BICRAL: variants seen among roughly 807,000 people sequenced by gnomAD.
BICRAL encodes the protein BRD4-interacting chromatin-remodeling complex-associated protein-like.
Under a neutral mutation model 91.8 loss-of-function variants are expected in BICRAL, and 8 were observed. That is an observed-to-expected ratio of 0.09 (90% CI 0.05 to 0.16). BICRAL has a LOEUF of 0.16. BICRAL is among the 10% of genes least tolerant of loss of function. BICRAL has a pLI of 1.00. For missense variants in BICRAL, 1,038 were observed against 1,310.9 expected, an observed-to-expected ratio of 0.79 and a Z score of 3.21; for synonymous variants, 445 against 491.1, an observed-to-expected ratio of 0.91 and a Z score of 1.24.
At chr6:42,812,273 A>G (rs1420789580) in intron 2 of BICRAL, among the ~76,000 whole-genome samples, 2 of 152,186 alleles carry the variant, frequency 1.3e-5, no homozygotes, top group Non-Finnish European at 2.9e-5. Flanking sequence ...AGCCTGGGCA[A>G]CATGGTGAAA....
At chr6:42,799,977 T>A (rs540477374) in intron 1 of BICRAL, among the ~76,000 whole-genome samples, 23 of 152,274 alleles carry the variant, frequency 1.5e-4, no homozygotes, top group African/African-American at 4.8e-4. Flanking sequence ...GCCCCCAGGT[T>A]CGAGCAATTC....
At chr6:42,808,552 T>A (rs889244815) in intron 1 of BICRAL, among the ~76,000 whole-genome samples, 1 of 152,220 alleles carries the variant, frequency 6.6e-6, no homozygotes, top group Admixed American at 6.5e-5. Context: ...TTGTTGATGA[T>A]CATTCCTTTA....
At chr6:42,854,448 T>A (rs1489397734) in intron 8 of BICRAL, among the ~76,000 whole-genome samples, 1 of 152,122 alleles carries the variant, frequency 6.6e-6, no homozygotes, top group Non-Finnish European at 1.5e-5. Flanking sequence ...CCTCCCAAAG[T>A]ACCTGGATTA....
chr6:42,811,206 G>A (rs1934941569), intron 2 of BICRAL, among the ~76,000 whole-genome samples: 1 of 152,178 alleles, frequency 6.6e-6, no homozygotes, highest in African/African-American at 2.4e-5. Flanking sequence ...CAAATGAGAT[G>A]AGCCCTGTAA....
At chr6:42,788,573 G>T (rs1368718636) in intron 1 of BICRAL, among the ~76,000 whole-genome samples, 1 of 152,176 alleles carries the variant, frequency 6.6e-6, no homozygotes. Context: ...CTTGCCTTTA[G>T]TGGGAGCAAG....
chr6:42,847,751 T>C (rs1431314704), intron 6 of BICRAL, among the ~76,000 whole-genome samples: 2 of 151,292 alleles, frequency 1.3e-5, no homozygotes, highest in African/African-American at 4.9e-5. Context: ...GGTGAAACCC[T>C]GTCTCTACTA....
rs529377887 is a variant in BICRAL at position 42,866,991 on chromosome 6, C to T, written c.*1545C>T. 4.9e-6 allele frequency: 2 copies of T among 406,970 alleles called. No homozygotes were observed. Among genetic ancestry groups the T allele is most frequent in the South Asian group, 1.8e-5 (1 of 56,162 alleles). The allele number at this position is 406,970 out of a possible 1,614,324, so 25.2% of individuals were successfully genotyped here. A position where few individuals can be genotyped will look rare whatever the true frequency, so the allele number is the denominator to read the frequency against. The stretch of plus-strand genomic sequence containing the variant: ...TCATTTTTGTTACAGTGTGTGCACA[C>T]TCACTCTCCTTCTTAGTGTGCATAC... On this transcript the variant is annotated 3_prime_UTR_variant, in exon 13 of 13. Transcript: ENST00000314073.
chr6:42,792,298 T>A (rs1763297157), intron 1 of BICRAL, among the ~76,000 whole-genome samples: 1 of 152,124 alleles, frequency 6.6e-6, no homozygotes, highest in East Asian at 1.9e-4. Flanking sequence ...TCTGAGACAG[T>A]ATCTTGGTCA....
intron 2 of BICRAL, among the ~76,000 whole-genome samples, chr6:42,816,750 C>A (rs192523525): frequency 1.2e-4 from 18 of 152,026 alleles, no homozygotes; most frequent in African/African-American, 4.3e-4. Flanking sequence ...CGTGGTGGCT[C>A]ACGCCTGTAA....
chr6:42,857,606 A>ATATATATAT (rs1562497905), intron 10 of BICRAL, among the ~76,000 whole-genome samples: 55 of 99,414 alleles, frequency 5.5e-4, no homozygotes, highest in African/African-American at 3.6e-3. Context: ...CTCTTAAAAA[A>ATATATATAT]AAAAAAAAAT....
intron 6 of BICRAL, among the ~76,000 whole-genome samples, chr6:42,847,818 G>A (rs1365098435): frequency 6.6e-6 from 1 of 150,758 alleles, no homozygotes; most frequent in East Asian, 2.0e-4. Flanking sequence ...AGCTACTTGG[G>A]AGGCTGCGGC....
chr6:42,828,005 G>T (rs905705578), intron 5 of BICRAL, among the ~76,000 whole-genome samples: 2 of 152,176 alleles, frequency 1.3e-5, no homozygotes, highest in African/African-American at 2.4e-5. Flanking sequence ...CAGCATGATG[G>T]ATGCATATAC....
At chr6:42,769,676 C>T (rs1453769764) in intron 1 of BICRAL, among the ~76,000 whole-genome samples, 1 of 152,168 alleles carries the variant, frequency 6.6e-6, no homozygotes, top group Non-Finnish European at 1.5e-5. Flanking sequence ...GAGCCCTCAC[C>T]TCTGCCCACC....
At chr6:42,821,580 G>T (rs1029402577) in intron 2 of BICRAL, among the ~76,000 whole-genome samples, 56 of 152,152 alleles carry the variant, frequency 3.7e-4, no homozygotes, top group Admixed American at 1.9e-3. Flanking sequence ...GGCAAAAAAT[G>T]TAGGTTGCTC....
intron 6 of BICRAL, among the ~76,000 whole-genome samples, chr6:42,846,328 A>G (rs1331299605): frequency 6.6e-6 from 1 of 152,062 alleles, no homozygotes; most frequent in East Asian, 1.9e-4. Context: ...AGATCGCGCC[A>G]TTGCACTCCA....
intron 5 of BICRAL, among the ~76,000 whole-genome samples, chr6:42,824,155 A>G (rs929310483): frequency 2.0e-5 from 3 of 151,588 alleles, no homozygotes; most frequent in Non-Finnish European, 2.9e-5. Context: ...CGCTTGAACC[A>G]GGGAGTTGGA....
chr6:42,818,975 C>T (rs1764066966), intron 2 of BICRAL, among the ~76,000 whole-genome samples: 2 of 152,230 alleles, frequency 1.3e-5, no homozygotes, highest in South Asian at 4.1e-4. Context: ...TGCCTACAGC[C>T]CCCTTCCCTC....
At chr6:42,764,509 A>G (rs879719233) in intron 1 of BICRAL, among the ~76,000 whole-genome samples, 4 of 151,554 alleles carry the variant, frequency 2.6e-5, no homozygotes, top group Middle Eastern at 6.3e-3. Flanking sequence ...CCATGATTGC[A>G]CCTGGGCAGC....
chr6:42,789,063 G>A (rs1763191056), intron 1 of BICRAL, among the ~76,000 whole-genome samples: 1 of 152,144 alleles, frequency 6.6e-6, no homozygotes, highest in South Asian at 2.1e-4. Flanking sequence ...ACCTTGAAAT[G>A]TTAGCTGAGT....
Sources: allele counts gnomAD v4.1 joint callset (sites outside exome capture counted in the v4.1 genomes callset), GRCh38; gene constraint gnomAD v4.1.1; transcripts MANE v1.5; gene names NCBI Gene and HGNC (gene_info 2026-07-23, HGNC 2026-07-21).